The following PCDHGA4 variants were observed in gnomAD, a reference collection of about 807,000 sequenced individuals.
PCDHGA4 encodes the protein protocadherin gamma-A4.
PCDHGA4 carries 38 observed loss-of-function variants against 54.6 expected under a neutral mutation model. The ratio of observed to expected loss-of-function variants is 0.70; its 90% CI spans 0.54 to 0.91. The LOEUF is 0.91. Among genes scored for constraint, PCDHGA4 ranks in the 40% least tolerant of loss-of-function variants. The pLI, the probability that PCDHGA4 is intolerant of heterozygous loss-of-function variation, is 0.00. For synonymous variants in PCDHGA4, 511 were observed against 512.9 expected (o/e 1.00, Z 0.05); for missense variants, 1,298 against 1,220.9 (o/e 1.06, Z -0.94).
chr5:141,362,274 GC>G, intron 1 of PCDHGA4: 1 of 1,614,018 alleles, frequency 6.2e-7, no homozygotes. Context: ...CAATCTCCCT[GC>G]GCCTGCGACT....
intron 1 of PCDHGA4, chr5:141,478,509 G>A: frequency 1.2e-6 from 2 of 1,611,878 alleles, no homozygotes; most frequent in South Asian, 1.1e-5. Flanking sequence ...GTGTTCTATA[G>A]GCAGGTGTTG....
At position 141,486,960 on chromosome 5, in the gene PCDHGA4, T is replaced by C; in HGVS notation, c.2515-7847T>C. On this transcript the variant is annotated intron_variant, in intron 1 of 3. Transcript: ENST00000571252. The surrounding 1 kb of genome is among the most constrained non-coding windows in gnomAD (Gnocchi z 5.0). Reference sequence around the variant, plus strand: ...CACCTAATCACAAAGGTGACTGCTGTGGACTTGGATTCAGGTTACAATGCT... The same window carrying C: ...CACCTAATCACAAAGGTGACTGCTGCGGACTTGGATTCAGGTTACAATGCT... The C allele has an allele frequency of 6.2e-7, 1 of 1,614,228 alleles. No individual in the cohort carries two copies. Among genetic ancestry groups the C allele is most frequent in the Non-Finnish European group, 8.5e-7 (1 of 1,180,034 alleles).
chr5:141,438,368 G>A (rs1216571092), intron 1 of PCDHGA4, among the ~76,000 whole-genome samples: 2 of 151,558 alleles, frequency 1.3e-5, no homozygotes, highest in African/African-American at 4.8e-5. Context: ...GTCATTGAGG[G>A]CAGATATAAT....
At chr5:141,380,313 G>A (rs535275197) in intron 1 of PCDHGA4, among the ~76,000 whole-genome samples, 53 of 152,244 alleles carry the variant, frequency 3.5e-4, no homozygotes, top group Non-Finnish European at 5.4e-4. Flanking sequence ...GCTTGAGAAT[G>A]AAAATCTAAA....
At chr5:141,381,743 C>T (rs9324849) in intron 1 of PCDHGA4, among the ~76,000 whole-genome samples, 4,143 of 151,894 alleles carry the variant, frequency 0.027, 183 homozygotes, top group African/African-American at 0.096. Flanking sequence ...ATTTGGATTC[C>T]GACATTGTTC....
In PCDHGA4 at chr5:141,371,282, T is replaced by G. The variant is rs201701201; in HGVS notation, c.2514+13661T>G. On this transcript the variant is annotated intron_variant, in intron 1 of 3. Coordinates refer to ENST00000571252, the MANE Select transcript of PCDHGA4 (RefSeq NM_018917.4). ...TGAGACAACTGTTCAAGCTGGACAG[T>G]AAAACGGGGGAACTCACCACTATTG... 2.0e-4 allele frequency: 326 copies of G among 1,613,828 alleles called. 2 individuals are homozygous for G. The highest frequency in any genetic ancestry group is 4.9e-4 in the Middle Eastern group (3 of 6,084).
intron 1 of PCDHGA4, chr5:141,399,895 G>A (rs570331620): frequency 6.2e-7 from 1 of 1,612,586 alleles, no homozygotes; most frequent in African/African-American, 1.3e-5. Flanking sequence ...GGTAGTGGCC[G>A]TGGACGCAGA....
intron 3 of PCDHGA4, among the ~76,000 whole-genome samples, chr5:141,509,801 T>C (rs556629445): frequency 2.6e-5 from 4 of 152,140 alleles, no homozygotes; most frequent in South Asian, 2.1e-4. Flanking sequence ...CTCAGCTTCA[T>C]AGAGCCGAGC....
In PCDHGA4 at chr5:141,511,216, C is replaced by A. The variant is rs374915167; in HGVS notation, c.*43C>A. On this transcript the variant is annotated 3_prime_UTR_variant, in exon 4 of 4. Coordinates refer to ENST00000571252, the MANE Select transcript of PCDHGA4 (RefSeq NM_018917.4). Reference sequence around the variant, plus strand: ...GAGCCACAGGGCGGCCTCTCCCCAACCAGCCCAGCTTCTCCTTACCTGCAC... The same window carrying A: ...GAGCCACAGGGCGGCCTCTCCCCAAACAGCCCAGCTTCTCCTTACCTGCAC... The A allele has an allele frequency of 6.2e-7, 1 of 1,608,004 alleles. No homozygotes were observed. The highest frequency in any genetic ancestry group is 1.3e-5 in the African/African-American group (1 of 74,736).
chr5:141,485,661 G>A lies in PCDHGA4; in HGVS notation c.2515-9146G>A. On this transcript the variant is annotated intron_variant, in intron 1 of 3. Transcript: ENST00000571252. This position sits in a 1 kb window ranked among gnomAD's most constrained non-coding sequence, Gnocchi z 5.7. ...GAAAAGGCTCAGGATGCAGATGTGGGGAGCAATTCGATTAGCAGCTATAGG... is the reference window on the plus strand; with the variant it reads ...GAAAAGGCTCAGGATGCAGATGTGGAGAGCAATTCGATTAGCAGCTATAGG... 2 of 1,612,678 alleles carry A rather than the reference G, an allele frequency of 1.2e-6. No individual in the cohort carries two copies. Among genetic ancestry groups the A allele is most frequent in the Non-Finnish European group, 1.7e-6 (2 of 1,178,884 alleles).
At chr5:141,508,267 C>G (rs993402135) in intron 3 of PCDHGA4, 5 of 152,336 alleles carry the variant, frequency 3.3e-5, no homozygotes, top group African/African-American at 9.6e-5. Context: ...AAGAGAAAAT[C>G]CCGGTCCTTG....
intron 1 of PCDHGA4, among the ~76,000 whole-genome samples, chr5:141,456,381 G>T (rs1296419395): frequency 6.6e-6 from 1 of 152,110 alleles, no homozygotes; most frequent in Admixed American, 6.6e-5. Context: ...TTACAGCACC[G>T]TTTGGAGTTT....
At chr5:141,480,021 C>T (rs1415230863) in intron 1 of PCDHGA4, among the ~76,000 whole-genome samples, 2 of 152,208 alleles carry the variant, frequency 1.3e-5, no homozygotes, top group East Asian at 3.8e-4. Flanking sequence ...AATCTCCTTT[C>T]TAAGCCTCTT....
intron 3 of PCDHGA4, chr5:141,507,166 GTCC>G (rs1475125845): frequency 6.6e-5 from 10 of 152,288 alleles, no homozygotes; most frequent in Non-Finnish European, 1.2e-4. Context: ...ATGAGAGGCT[GTCC>G]TCTTCCTCGA....
At chr5:141,409,217 G>A (rs1394491727) in intron 1 of PCDHGA4, 1 of 1,613,852 alleles carries the variant, frequency 6.2e-7, no homozygotes, top group Non-Finnish European at 8.5e-7. Context: ...AGAAATCCTT[G>A]ATGAAAACGA....
At chr5:141,383,962 T>C in intron 1 of PCDHGA4, 2 of 1,613,460 alleles carry the variant, frequency 1.2e-6, no homozygotes, top group Non-Finnish European at 1.7e-6. Flanking sequence ...TTTAAGTAGC[T>C]CAATCCCTGA....
rs1389786201 is a variant in PCDHGA4, at chr5:141,486,949, G to A, written c.2515-7858G>A. 4 of 1,614,224 alleles carry A rather than the reference G, an allele frequency of 2.5e-6. No individual in the cohort carries two copies. Among genetic ancestry groups the A allele is most frequent in the African/African-American group, 2.7e-5 (2 of 75,064 alleles). ...TTGGTGCTGGCCACCTAATCACAAA[G>A]GTGACTGCTGTGGACTTGGATTCAG... On this transcript the variant is annotated intron_variant, in intron 1 of 3. Coordinates refer to ENST00000571252, the MANE Select transcript of PCDHGA4 (RefSeq NM_018917.4). The surrounding 1 kb of genome is among the most constrained non-coding windows in gnomAD (Gnocchi z 5.0).
intron 1 of PCDHGA4, among the ~76,000 whole-genome samples, chr5:141,400,862 A>C (rs1239905125): frequency 6.6e-6 from 1 of 152,224 alleles, no homozygotes; most frequent in African/African-American, 2.4e-5. Context: ...TTGTATGTAG[A>C]TAAACCATTA....
Position 141,431,612 on chromosome 5 carries a change from G to T in PCDHGA4, c.2515-63195G>T, listed in dbSNP as rs79883194. 6.2e-7 allele frequency: 1 copy of T among 1,614,244 alleles called. No homozygotes were observed. The highest frequency in any genetic ancestry group is 2.2e-5 in the East Asian group (1 of 44,880). Reference sequence around the variant, plus strand: ...AGTGAGGTATTCCTTCCGGTATGTGGACGACAAGGCGGCCCAAGTTTTCAA... The same window carrying T: ...AGTGAGGTATTCCTTCCGGTATGTGTACGACAAGGCGGCCCAAGTTTTCAA... On this transcript the variant is annotated intron_variant, in intron 1 of 3. Transcript: ENST00000571252. The surrounding 1 kb of genome is among the most constrained non-coding windows in gnomAD (Gnocchi z 4.8).
Sources: allele counts gnomAD v4.1 joint callset (sites outside exome capture counted in the v4.1 genomes callset), GRCh38; gene constraint gnomAD v4.1.1; non-coding constraint Gnocchi (gnomAD v3.1); transcripts MANE v1.5; gene names NCBI Gene and HGNC (gene_info 2026-07-23, HGNC 2026-07-21).